Variants in CFAP44 observed in about 807,000 individuals in gnomAD.
CFAP44 encodes the protein cilia and flagella associated protein 44, also known as cilia- and flagella-associated protein 44.
CFAP44 carries 134 observed loss-of-function variants against 216.2 expected under a neutral mutation model. The ratio of observed to expected loss-of-function variants is 0.62; its 90% CI spans 0.54 to 0.72. The LOEUF (loss-of-function observed/expected upper bound fraction) is 0.72. CFAP44 is among the 30% of genes least tolerant of loss of function. CFAP44 has a pLI of 0.00. For missense variants in CFAP44, 2,035 were observed against 2,182.1 expected, an observed-to-expected ratio of 0.93 and a Z score of 1.34; for synonymous variants, 700 against 727.6, an observed-to-expected ratio of 0.96 and a Z score of 0.61.
intron 15 of CFAP44, among the ~76,000 whole-genome samples, chr3:113,382,165 T>C (rs1369860467): frequency 6.6e-6 from 1 of 152,022 alleles, no homozygotes; most frequent in Non-Finnish European, 1.5e-5. Context: ...GGGAGAGCCT[T>C]AGGGAAACTT....
At chr3:113,389,127 A>G (rs1342096842) in intron 15 of CFAP44, among the ~76,000 whole-genome samples, 1 of 152,230 alleles carries the variant, frequency 6.6e-6, no homozygotes, top group Non-Finnish European at 1.5e-5. Context: ...ATGTTAGTCC[A>G]CAAAACAAGT....
At chr3:113,413,061 C>T (rs571012197) in intron 6 of CFAP44, among the ~76,000 whole-genome samples, 2 of 152,240 alleles carry the variant, frequency 1.3e-5, no homozygotes, top group Admixed American at 1.3e-4. Context: ...TTAATAATTG[C>T]CATTCTGACT....
At chr3:113,399,424 T>TGTCGGCACTCTGTAAATATTAATAGAATG (rs1553760296) in intron 13 of CFAP44, among the ~76,000 whole-genome samples, 1 of 144,538 alleles carries the variant, frequency 6.9e-6, no homozygotes, top group Non-Finnish European at 1.6e-5. Context: ...TTCTTATAAT[T>TGTCGGCACTCTGTAAATATTAATAGAATG]ATCTAACATA....
In CFAP44 at chr3:113,395,846, A is replaced by T. The variant is rs1029306248; in HGVS notation, c.1794T>A (p.Thr598=). The T allele has an allele frequency of 6.2e-7, 1 of 1,613,424 alleles. No individual in the cohort carries two copies. ...EILATGSKDQ[T]VFFFEVERDY... ...CCCTTTCCACTTCAAAGAAGAAAAC[A>T]GTTTGATCTTTACTCTAAGGAAAAA... The change falls in exon 15 of 35, where the codon ACT becomes ACA. Residue 598 remains threonine, a synonymous_variant. Transcript: ENST00000393845.
chr3:113,306,437 T>C (rs1250653543), intron 29 of CFAP44, 106 bp from the exon 30 acceptor site: 2 of 1,378,542 alleles, frequency 1.5e-6, no homozygotes, highest in South Asian at 1.4e-5. Context: ...TATTTATGGA[T>C]CCACTCTAGC....
At chr3:113,342,268 G>T (rs1950339847) in intron 23 of CFAP44, among the ~76,000 whole-genome samples, 1 of 152,158 alleles carries the variant, frequency 6.6e-6, no homozygotes, top group Admixed American at 6.5e-5. Context: ...AGGAGGCAGA[G>T]GTTGCAGTAA....
At chr3:113,297,110 G>A (rs1327057987) in intron 32 of CFAP44, among the ~76,000 whole-genome samples, 1 of 152,026 alleles carries the variant, frequency 6.6e-6, no homozygotes, top group Non-Finnish European at 1.5e-5. Flanking sequence ...CTGACTCAAT[G>A]TTCCCAACTG....
At chr3:113,398,616 C>T (rs149982482) in intron 13 of CFAP44, among the ~76,000 whole-genome samples, 1 of 152,258 alleles carries the variant, frequency 6.6e-6, no homozygotes, top group East Asian at 1.9e-4. Flanking sequence ...AATCTAAATG[C>T]TCTGTCATTT....
At position 113,304,016 on chromosome 3, in the gene CFAP44, G is replaced by A; in HGVS notation, c.4977C>T (p.Leu1659=). The change falls in exon 32 of 35, where the codon CTC becomes CTT. Residue 1659 remains leucine (L), a synonymous_variant. Transcript: ENST00000393845. ...LRRLQERIHE[L]QEENSKQQKL... The stretch of plus-strand genomic sequence containing the variant: ...TTTGCTGCTTGGAATTTTCCTCCTG[G>A]AGCTCATGGATTCGTTCTTGCAGCC... 5 of 1,537,350 alleles carry A rather than the reference G, an allele frequency of 3.3e-6. No homozygotes were observed. Among genetic ancestry groups the A allele is most frequent in the Non-Finnish European group, 4.4e-6 (5 of 1,146,956 alleles).
Position 113,420,002 on chromosome 3 carries a change from T to G in CFAP44, c.570+15A>C. On this transcript the variant is annotated intron_variant, in intron 5 of 34. Transcript: ENST00000393845. ...GGGTTTTTTGGGGTTTTTTTCTAAT[T>G]TATTGAAGGCATACCCCAATGACGC... is the stretch of plus-strand genomic sequence containing the variant. The G allele has an allele frequency of 6.2e-7, 1 of 1,602,796 alleles. No individual in the cohort carries two copies.
intron 18 of CFAP44, among the ~76,000 whole-genome samples, chr3:113,366,676 A>T (rs1290492195): frequency 6.6e-6 from 1 of 152,126 alleles, no homozygotes. Flanking sequence ...TGCATTTCCA[A>T]CTGAGGTATC....
chr3:113,430,479 G>T (rs949307739), intron 2 of CFAP44, among the ~76,000 whole-genome samples: 1 of 144,172 alleles, frequency 6.9e-6, no homozygotes, highest in Non-Finnish European at 1.5e-5. Flanking sequence ...ATCAGTCTTT[G>T]AAAAGATCAA....
intron 15 of CFAP44, among the ~76,000 whole-genome samples, chr3:113,395,300 G>A (rs1933958981): frequency 6.6e-6 from 1 of 152,146 alleles, no homozygotes; most frequent in Admixed American, 6.5e-5. Flanking sequence ...AGAAATAAAA[G>A]GATAGAAGAG....
intron 15 of CFAP44, among the ~76,000 whole-genome samples, chr3:113,381,275 A>ATTATAT (rs1933501574): frequency 6.6e-6 from 1 of 152,156 alleles, no homozygotes; most frequent in Non-Finnish European, 1.5e-5. Context: ...AAGTGATTAA[A>ATTATAT]GATTAATAAT....
intron 32 of CFAP44, among the ~76,000 whole-genome samples, chr3:113,297,857 T>C (rs1324390670): frequency 6.6e-6 from 1 of 152,248 alleles, no homozygotes; most frequent in African/African-American, 2.4e-5. Flanking sequence ...TCTTTTATAG[T>C]GCAGAAATTT....
intron 24 of CFAP44, among the ~76,000 whole-genome samples, chr3:113,340,821 G>C (rs1233806949): frequency 6.6e-6 from 1 of 152,174 alleles, no homozygotes; most frequent in East Asian, 1.9e-4. Context: ...TTCTTGCCTT[G>C]GTGTACTGGA....
chr3:113,353,002 G>A (rs73235073), intron 22 of CFAP44, among the ~76,000 whole-genome samples: 3,607 of 152,246 alleles, frequency 0.024, 69 homozygotes, highest in African/African-American at 0.045. Context: ...CCAGATCAGG[G>A]ACGGAAAGCA....
intron 1 of CFAP44, among the ~76,000 whole-genome samples, chr3:113,439,287 G>A (rs534684083): frequency 6.6e-6 from 1 of 152,278 alleles, no homozygotes. Flanking sequence ...GCTGGGGAAG[G>A]CTATGAAGAA....
intron 8 of CFAP44, 149 bp from the exon 9 acceptor site, chr3:113,404,165 A>G: frequency 2.2e-6 from 2 of 915,874 alleles, no homozygotes; most frequent in Non-Finnish European, 3.1e-6. Context: ...ACAGAAATGA[A>G]GACCTACTAC....
Sources: allele counts gnomAD v4.1 joint callset (sites outside exome capture counted in the v4.1 genomes callset), GRCh38; gene constraint gnomAD v4.1.1; transcripts MANE v1.5; gene names NCBI Gene and HGNC (gene_info 2026-07-23, HGNC 2026-07-21).